BMPR1B: variants seen among roughly 807,000 people sequenced by gnomAD.
The protein encoded by BMPR1B is bone morphogenetic protein receptor type 1B, also known as bone morphogenetic protein receptor type-1B.
In BMPR1B, 12 loss-of-function variants were observed where a neutral mutation model predicts 59.1. The ratio of observed to expected loss-of-function variants is 0.20; its 90% confidence interval spans 0.13 to 0.33. BMPR1B has a LOEUF of 0.33. Ranked by LOEUF, BMPR1B falls within the 10% of genes least tolerant of loss-of-function variation. The pLI is 1.00. For missense variants in BMPR1B, 550 were observed against 610.9 expected, an observed-to-expected ratio of 0.90 and a Z score of 1.05; for synonymous variants, 237 against 207.3, an observed-to-expected ratio of 1.14 and a Z score of -1.23.
intron 1 of BMPR1B, among the ~76,000 whole-genome samples, chr4:94,827,936 C>G (rs898246668): frequency 6.6e-6 from 1 of 152,136 alleles, no homozygotes; most frequent in Non-Finnish European, 1.5e-5. Flanking sequence ...ACTTGCTTTT[C>G]CTTTTCTCAG....
chr4:95,118,938 G>T (rs888157810), intron 6 of BMPR1B, among the ~76,000 whole-genome samples: 3 of 152,176 alleles, frequency 2.0e-5, no homozygotes, highest in Admixed American at 6.5e-5. Context: ...GGAAAGGAAA[G>T]AATCCCTTGA....
chr4:95,072,435 CA>C (rs1292833322), intron 3 of BMPR1B, among the ~76,000 whole-genome samples: 1 of 152,164 alleles, frequency 6.6e-6, no homozygotes, highest in African/African-American at 2.4e-5. Flanking sequence ...AATCAGGAAG[CA>C]TCTTAGGCTT....
rs545731970 is a variant in BMPR1B, at chr4:95,051,202, G to A, written c.-17-53206G>A. Among the ~76,000 whole-genome samples the A allele has an allele frequency of 4.5e-4, 69 of 152,194 alleles. 1 individual carries two copies. The South Asian group carries it at 9.3e-3, about 21-fold the overall frequency. On this transcript the variant is annotated intron_variant, in intron 3 of 12. Transcript: ENST00000515059. ...ACTTTGATCTGTTGCACTATTTTTG[G>A]CATTTCACTAAGTAAAAACATTATT...
intron 3 of BMPR1B, among the ~76,000 whole-genome samples, chr4:95,030,501 T>G (rs529325565): frequency 1.6e-4 from 25 of 152,198 alleles, no homozygotes; most frequent in African/African-American, 6.0e-4. Flanking sequence ...TTCAACATAG[T>G]GTTGGAAGTT....
intron 3 of BMPR1B, among the ~76,000 whole-genome samples, chr4:95,083,618 A>G (rs1311296882): frequency 6.6e-6 from 1 of 152,208 alleles, no homozygotes; most frequent in South Asian, 2.1e-4. Flanking sequence ...ATCTCCTCAG[A>G]GCAGCCTAAT....
chr4:95,068,031 G>A (rs1416496688), intron 3 of BMPR1B, among the ~76,000 whole-genome samples: 2 of 152,164 alleles, frequency 1.3e-5, no homozygotes, highest in African/African-American at 2.4e-5. Flanking sequence ...AAAGAGCATG[G>A]CACTGCTGGA....
At chr4:95,133,192 G>C (rs942016231) in intron 10 of BMPR1B, among the ~76,000 whole-genome samples, 3 of 152,076 alleles carry the variant, frequency 2.0e-5, no homozygotes, top group Admixed American at 2.0e-4. Context: ...CATTTTTCTA[G>C]ATTCTGGGGT....
At chr4:94,819,075 G>A (rs1003436850) in intron 1 of BMPR1B, among the ~76,000 whole-genome samples, 5 of 152,154 alleles carry the variant, frequency 3.3e-5, no homozygotes, top group African/African-American at 4.8e-5. Context: ...AATCAAGGCT[G>A]CAGTGAGCCA....
chr4:95,105,296 A>C (rs539448672), intron 4 of BMPR1B, among the ~76,000 whole-genome samples: 2 of 152,176 alleles, frequency 1.3e-5, no homozygotes, highest in South Asian at 2.1e-4. Flanking sequence ...TGGGTCAGCT[A>C]TCTAGAAGAG....
intron 6 of BMPR1B, among the ~76,000 whole-genome samples, chr4:95,120,649 CCTTT>C (rs1292045973): frequency 7.7e-5 from 11 of 143,088 alleles, no homozygotes; most frequent in African/African-American, 3.0e-4. Flanking sequence ...TTCCTTCCTT[CCTTT>C]CCTTCCTTCC....
chr4:95,043,981 A>G (rs887601136), intron 3 of BMPR1B, among the ~76,000 whole-genome samples: 1 of 152,208 alleles, frequency 6.6e-6, no homozygotes, highest in Non-Finnish European at 1.5e-5. Context: ...TATGTCCTCT[A>G]TTTTATAAAT....
intron 2 of BMPR1B, among the ~76,000 whole-genome samples, chr4:94,970,136 C>T (rs1013225379): frequency 2.6e-5 from 4 of 152,104 alleles, no homozygotes; most frequent in African/African-American, 9.7e-5. Context: ...TTTACTCTGA[C>T]AATAATTCAG....
At chr4:94,848,132 G>C (rs1255167485) in intron 1 of BMPR1B, among the ~76,000 whole-genome samples, 1 of 152,152 alleles carries the variant, frequency 6.6e-6, no homozygotes, top group East Asian at 1.9e-4. Flanking sequence ...TACAGGTGTA[G>C]TATTGGTAAG....
At chr4:94,824,686 T>A (rs1226279061) in intron 1 of BMPR1B, among the ~76,000 whole-genome samples, 1 of 152,190 alleles carries the variant, frequency 6.6e-6, no homozygotes, top group Non-Finnish European at 1.5e-5. Context: ...AGAATTTTAT[T>A]TAAAAGATTT....
chr4:95,031,951 A>C (rs1724890871), intron 3 of BMPR1B, among the ~76,000 whole-genome samples: 1 of 152,020 alleles, frequency 6.6e-6, no homozygotes, highest in South Asian at 2.1e-4. Context: ...AAATACTGTA[A>C]CATAACGATT....
intron 1 of BMPR1B, among the ~76,000 whole-genome samples, chr4:94,862,515 G>C (rs1363648536): frequency 6.6e-6 from 1 of 151,172 alleles, no homozygotes; most frequent in Non-Finnish European, 1.5e-5. Context: ...TAAAAGGTTT[G>C]TGTTTAGGCC....
chr4:94,859,815 A>G (rs1383462942), intron 1 of BMPR1B, among the ~76,000 whole-genome samples: 1 of 152,174 alleles, frequency 6.6e-6, no homozygotes, highest in Non-Finnish European at 1.5e-5. Flanking sequence ...TCAGACTGTG[A>G]GGAGATTACT....
At chr4:95,042,058 C>G (rs919924166) in intron 3 of BMPR1B, among the ~76,000 whole-genome samples, 1 of 152,014 alleles carries the variant, frequency 6.6e-6, no homozygotes, top group Non-Finnish European at 1.5e-5. Flanking sequence ...GGGTTTCACT[C>G]TGTTAGCCAG....
At chr4:95,110,445 T>C (rs1169319358) in intron 4 of BMPR1B, among the ~76,000 whole-genome samples, 1 of 152,082 alleles carries the variant, frequency 6.6e-6, no homozygotes, top group African/African-American at 2.4e-5. Flanking sequence ...ACATTGGTAC[T>C]TCGTCGTTAA....
Sources: allele counts gnomAD v4.1 joint callset (sites outside exome capture counted in the v4.1 genomes callset), GRCh38; gene constraint gnomAD v4.1.1; transcripts MANE v1.5; gene names NCBI Gene and HGNC (gene_info 2026-07-23, HGNC 2026-07-21).